The following MBD5 variants were observed in gnomAD, a reference collection of about 807,000 sequenced individuals.
MBD5 encodes methyl-CpG binding domain protein 5, also known as methyl-CpG-binding domain protein 5.
A neutral mutation model predicts 117.3 loss-of-function variants in MBD5; 13 were observed. The ratio of observed to expected loss-of-function variants is 0.11; its 90% CI spans 0.07 to 0.18. The LOEUF (loss-of-function observed/expected upper bound fraction) is 0.18, where lower values mean the gene tolerates loss of function less well. MBD5 is among the 10% of genes least tolerant of loss of function. MBD5 has a pLI of 1.00. For synonymous variants in MBD5, 727 were observed against 766.4 expected, an observed-to-expected ratio of 0.95 and a Z score of 0.85; for missense variants, 1,879 against 2,093.8, an observed-to-expected ratio of 0.90 and a Z score of 2.00.
intron 4 of MBD5, among the ~76,000 whole-genome samples, chr2:148,382,799 A>G (rs531684904): frequency 4.6e-5 from 7 of 152,268 alleles, no homozygotes; most frequent in African/African-American, 1.7e-4. Context: ...GGATTAAGAA[A>G]CTCACTCAAA....
At position 148,484,144 on chromosome 2, in the gene MBD5, A is replaced by C. The variant is rs913351015; in HGVS notation, c.3544+9A>C. On this transcript the variant is annotated intron_variant, in intron 9 of 13. Coordinates refer to ENST00000642680, the MANE Select transcript of MBD5 (RefSeq NM_001378120.1). ...GGGGACAGGTCTACTTGGTAAGTTA[A>C]ATTTTTTCACAAATTTTTTACAAAA... 5.7e-6 allele frequency: 8 copies of C among 1,413,636 alleles called. No homozygotes were observed. In the Admixed American group the frequency reaches 2.3e-4, roughly 41 times the overall value. The allele number at this position is 1,413,636 out of a possible 1,614,324, so 87.6% of individuals were successfully genotyped here.
intron 4 of MBD5, among the ~76,000 whole-genome samples, chr2:148,348,105 A>C (rs1429781085): frequency 6.6e-6 from 1 of 152,044 alleles, no homozygotes; most frequent in Non-Finnish European, 1.5e-5. Flanking sequence ...CTTGTTTAAC[A>C]CTATATCCCC....
At chr2:148,121,889 ATAT>A (rs1696776689) in intron 1 of MBD5, among the ~76,000 whole-genome samples, 1 of 152,108 alleles carries the variant, frequency 6.6e-6, no homozygotes, top group Admixed American at 6.6e-5. Flanking sequence ...AAGGAGACAG[ATAT>A]TATATTTTCT....
At chr2:148,247,379 A>G (rs766768384) in intron 3 of MBD5, among the ~76,000 whole-genome samples, 52 of 152,354 alleles carry the variant, frequency 3.4e-4, no homozygotes, top group Non-Finnish European at 5.7e-4. Context: ...TAAAACAAAC[A>G]TTGGCAATCT....
intron 1 of MBD5, among the ~76,000 whole-genome samples, chr2:148,094,491 C>G (rs1696013357): frequency 6.6e-6 from 1 of 152,082 alleles, no homozygotes; most frequent in Middle Eastern, 3.2e-3. Flanking sequence ...TAGATCTCAG[C>G]TTGAATGTCA....
intron 1 of MBD5, among the ~76,000 whole-genome samples, chr2:148,083,127 A>G (rs906029061): frequency 6.6e-6 from 1 of 152,218 alleles, no homozygotes; most frequent in Non-Finnish European, 1.5e-5. Flanking sequence ...AGGATTCAAA[A>G]GCTGAATGTC....
intron 4 of MBD5, among the ~76,000 whole-genome samples, chr2:148,373,511 A>G (rs892615138): frequency 3.3e-5 from 5 of 152,148 alleles, no homozygotes; most frequent in Non-Finnish European, 7.4e-5. Context: ...TATTATATGC[A>G]TTATCCATCT....
At chr2:148,339,504 T>G (rs1702884342) in intron 3 of MBD5, among the ~76,000 whole-genome samples, 1 of 152,160 alleles carries the variant, frequency 6.6e-6, no homozygotes, top group African/African-American at 2.4e-5. Context: ...GAGCAGAGTT[T>G]GATGAATCTC....
At chr2:148,030,893 T>TA in intron 1 of MBD5, among the ~76,000 whole-genome samples, 1 of 152,296 alleles carries the variant, frequency 6.6e-6, no homozygotes, top group South Asian at 2.1e-4. Context: ...CTGTCAGACT[T>TA]ATCTAACAGG....
chr2:148,292,637 G>A (rs1011831082), intron 3 of MBD5, among the ~76,000 whole-genome samples: 2 of 152,156 alleles, frequency 1.3e-5, no homozygotes, highest in South Asian at 2.1e-4. Context: ...AGTTAGTACA[G>A]CCACTATGGA....
chr2:148,278,131 T>C (rs1701158052), intron 3 of MBD5, among the ~76,000 whole-genome samples: 1 of 152,186 alleles, frequency 6.6e-6, no homozygotes. Context: ...CATATAAACA[T>C]AATTACACCA....
intron 1 of MBD5, among the ~76,000 whole-genome samples, chr2:148,067,842 T>C (rs879458666): frequency 6.6e-6 from 1 of 152,242 alleles, no homozygotes; most frequent in Non-Finnish European, 1.5e-5. Context: ...TAACAAACTC[T>C]TTTCCTTCAG....
intron 3 of MBD5, among the ~76,000 whole-genome samples, chr2:148,240,565 A>G (rs949758240): frequency 1.3e-5 from 2 of 152,204 alleles, no homozygotes; most frequent in Admixed American, 1.3e-4. Flanking sequence ...ATGAATTGTT[A>G]ACATTAATTC....
At chr2:148,157,668 G>A (rs1697908090) in intron 1 of MBD5, among the ~76,000 whole-genome samples, 1 of 152,142 alleles carries the variant, frequency 6.6e-6, no homozygotes, top group South Asian at 2.1e-4. Flanking sequence ...ATTTTTAAAA[G>A]GTAAAGCCTT....
intron 1 of MBD5, among the ~76,000 whole-genome samples, chr2:148,126,167 A>C (rs1696884606): frequency 6.6e-6 from 1 of 151,994 alleles, no homozygotes; most frequent in Admixed American, 6.5e-5. Flanking sequence ...AGGCCGAGGC[A>C]GGCGGATCAC....
chr2:148,022,417 C>T (rs1029434330), intron 1 of MBD5, among the ~76,000 whole-genome samples: 1 of 152,192 alleles, frequency 6.6e-6, no homozygotes, highest in East Asian at 1.9e-4. Context: ...GTTTAAATGC[C>T]ACTGCTATTG....
chr2:148,092,949 G>A (rs1252570217), intron 1 of MBD5, among the ~76,000 whole-genome samples: 1 of 150,912 alleles, frequency 6.6e-6, no homozygotes, highest in East Asian at 1.9e-4. Flanking sequence ...ACGGAGTATC[G>A]CCCTGTCACC....
At position 148,445,772 on chromosome 2, in the gene MBD5, A is replaced by G. The variant is rs574309514; in HGVS notation, c.-556-12431A>G. Among the ~76,000 whole-genome samples, 46 of 151,208 alleles carry G rather than the reference A, an allele frequency of 3.0e-4. No homozygotes were observed. The South Asian group carries it at 7.5e-3, about 25-fold the overall frequency. On this transcript the variant is annotated intron_variant, in intron 4 of 13. Transcript: ENST00000642680. ...CCACCAACAGTGTAAAAGTGTTCCT[A>G]TTTCTCCACATCCTCTCCAGCACCT...
intron 4 of MBD5, among the ~76,000 whole-genome samples, chr2:148,378,279 G>T (rs1224054771): frequency 6.6e-6 from 1 of 152,030 alleles, no homozygotes; most frequent in Non-Finnish European, 1.5e-5. Flanking sequence ...AATGACATTT[G>T]GTTTCCTGAT....
Sources: allele counts gnomAD v4.1 joint callset (sites outside exome capture counted in the v4.1 genomes callset), GRCh38; gene constraint gnomAD v4.1.1; transcripts MANE v1.5; gene names NCBI Gene and HGNC (gene_info 2026-07-23, HGNC 2026-07-21).